The following OCA2 variants were observed in gnomAD, a reference collection of about 807,000 sequenced individuals.
OCA2 encodes the protein P protein.
A neutral mutation model predicts 100.2 loss-of-function variants in OCA2; 77 were observed. That is an observed-to-expected ratio of 0.77 (90% CI 0.64 to 0.93). The LOEUF (loss-of-function observed/expected upper bound fraction) is 0.93. Among genes scored for constraint, OCA2 ranks in the 40% least tolerant of loss-of-function variants. The pLI, the probability that OCA2 is intolerant of heterozygous loss-of-function variation, is 0.00. For missense variants in OCA2, 1,062 were observed against 1,089.1 expected (o/e 0.98, Z 0.35); for synonymous variants, 432 against 439.2 (o/e 0.98, Z 0.21).
chr15:27,733,516 G>T, the OCA2 span, among the ~76,000 whole-genome samples: 1,192 of 152,252 alleles, frequency 7.8e-3, 17 homozygotes, highest in African/African-American at 0.027. Flanking sequence ...TAACAGGGCT[G>T]TTCTCCATCT....
At chr15:27,742,996 T>G in the OCA2 span, among the ~76,000 whole-genome samples, 9 of 152,210 alleles carry the variant, frequency 5.9e-5, no homozygotes, top group Non-Finnish European at 1.3e-4. Flanking sequence ...GGAAGCTTGT[T>G]TTTAATTTAT....
intron 15 of OCA2, among the ~76,000 whole-genome samples, chr15:27,962,606 T>C (rs1254834713): frequency 6.6e-6 from 1 of 152,150 alleles, no homozygotes; most frequent in Non-Finnish European, 1.5e-5. Flanking sequence ...GGTAGTATAA[T>C]ATCGCTCAAA....
chr15:27,932,126 GA>G, intron 18 of OCA2, among the ~76,000 whole-genome samples: 1 of 152,274 alleles, frequency 6.6e-6, no homozygotes, highest in Non-Finnish European at 1.5e-5. Flanking sequence ...AGAGCACCCA[GA>G]AAAAAATAAC....
At chr15:27,940,743 A>G (rs531740196) in intron 18 of OCA2, among the ~76,000 whole-genome samples, 1 of 152,364 alleles carries the variant, frequency 6.6e-6, no homozygotes, top group East Asian at 1.9e-4. Context: ...GCAGTTGTTC[A>G]GTTTTGTTCC....
chr15:27,951,569 A>G (rs140523970), intron 18 of OCA2, among the ~76,000 whole-genome samples: 1,541 of 152,326 alleles, frequency 0.01, 28 homozygotes, highest in African/African-American at 0.035. Flanking sequence ...CTAAGGGGCC[A>G]GAGATGCATC....
chr15:27,976,904 T>C (rs1471622847), intron 14 of OCA2, among the ~76,000 whole-genome samples: 2 of 145,450 alleles, frequency 1.4e-5, no homozygotes, highest in Non-Finnish European at 3.1e-5. Flanking sequence ...TTTTGTTCTT[T>C]GTGGGAAGGT....
chr15:28,069,706 C>A (rs2044163195), intron 2 of OCA2, among the ~76,000 whole-genome samples: 1 of 145,796 alleles, frequency 6.9e-6, no homozygotes, highest in South Asian at 2.2e-4. Context: ...ACTCAGTGCT[C>A]AATGGTGCCC....
chr15:27,843,203 G>C (rs1298476933), intron 23 of OCA2, among the ~76,000 whole-genome samples: 1 of 152,172 alleles, frequency 6.6e-6, no homozygotes, highest in East Asian at 1.9e-4. Flanking sequence ...AACCAAAGAA[G>C]AGGAGATGGA....
At chr15:27,966,888 C>T in intron 14 of OCA2, 66 bp from the exon 15 acceptor site, 1 of 1,541,902 alleles carries the variant, frequency 6.5e-7, no homozygotes, top group Non-Finnish European at 8.8e-7. Context: ...GTAATCCCAG[C>T]ACTTTCCGAG....
intron 23 of OCA2, among the ~76,000 whole-genome samples, chr15:27,800,007 T>C (rs569342423): frequency 1.6e-4 from 24 of 152,306 alleles, no homozygotes; most frequent in African/African-American, 5.5e-4. Flanking sequence ...CAAGGTATCT[T>C]ACCCAGCCAC....
At chr15:28,098,032 A>C (rs1028094785) in intron 1 of OCA2, among the ~76,000 whole-genome samples, 2 of 152,168 alleles carry the variant, frequency 1.3e-5, no homozygotes, top group East Asian at 3.8e-4. Context: ...GGACCTCCCC[A>C]TTCCTGGTAT....
intron 23 of OCA2, among the ~76,000 whole-genome samples, chr15:27,802,033 T>A (rs1049043021): frequency 2.6e-5 from 4 of 152,018 alleles, no homozygotes; most frequent in Non-Finnish European, 5.9e-5. Flanking sequence ...ATGAAAGAAA[T>A]CTCTATTTAG....
rs2042348047 is a variant in OCA2, at chr15:28,015,035, C to T, written c.891-106G>A. ...CAGAGTGCAAATGGAACAATTCAGC[C>T]CAACGCCCAATCTCACAGCTGGAAG... is the stretch of plus-strand genomic sequence containing the variant. On this transcript the variant is annotated intron_variant, in intron 8 of 23. Transcript: ENST00000354638. 3.4e-6 allele frequency: 4 copies of T among 1,180,426 alleles called. No individual in the cohort carries two copies. The East Asian group carries it at 9.9e-5, about 29-fold the overall frequency. The allele number at this position is 1,180,426 out of a possible 1,614,324, so 73.1% of individuals were successfully genotyped here. A position where few individuals can be genotyped will look rare whatever the true frequency, so the allele number is the denominator to read the frequency against.
intron 2 of OCA2, among the ~76,000 whole-genome samples, chr15:28,062,141 T>C (rs2043892136): frequency 6.6e-6 from 1 of 152,252 alleles, no homozygotes; most frequent in Non-Finnish European, 1.5e-5. Context: ...GAGGAACTGC[T>C]GAACTGTTTT....
chr15:27,839,056 T>TGC (rs2035254060), intron 23 of OCA2, among the ~76,000 whole-genome samples: 1 of 152,038 alleles, frequency 6.6e-6, no homozygotes, highest in African/African-American at 2.4e-5. Flanking sequence ...AATTAGTAAG[T>TGC]GCGTGGAGAA....
intron 6 of OCA2, 103 bp from the exon 7 acceptor site, chr15:28,018,660 G>A (rs907256838): frequency 1.9e-5 from 21 of 1,089,224 alleles, no homozygotes; most frequent in South Asian, 4.0e-5. Context: ...GAAGAAATGC[G>A]TTTCCCCAGG....
At chr15:27,952,868 A>G (rs1200752082) in intron 17 of OCA2, among the ~76,000 whole-genome samples, 1 of 151,894 alleles carries the variant, frequency 6.6e-6, no homozygotes, top group Non-Finnish European at 1.5e-5. Flanking sequence ...TTTTTAGTAG[A>G]GATAGGGTTT....
chr15:27,885,276 T>C (rs183777986), intron 19 of OCA2, among the ~76,000 whole-genome samples: 168 of 152,334 alleles, frequency 1.1e-3, no homozygotes, highest in Middle Eastern at 0.01. Flanking sequence ...TTAGAGCCTT[T>C]ATCCTGCCTA....
At chr15:27,739,432 A>ATTTC in the OCA2 span, among the ~76,000 whole-genome samples, 106 of 135,148 alleles carry the variant, frequency 7.8e-4, no homozygotes, top group South Asian at 1.6e-3. Flanking sequence ...AATATTAATA[A>ATTTC]TTTCTTTCTT....
Sources: allele counts gnomAD v4.1 joint callset (sites outside exome capture counted in the v4.1 genomes callset), GRCh38; gene constraint gnomAD v4.1.1; transcripts MANE v1.5; gene names NCBI Gene and HGNC (gene_info 2026-07-23, HGNC 2026-07-21).